Variants in SMAGP observed in about 807,000 individuals in gnomAD.
SMAGP encodes small cell adhesion glycoprotein.
Under a neutral mutation model 10.1 loss-of-function variants are expected in SMAGP, and 7 were observed. The ratio of observed to expected loss-of-function variants is 0.70; its 90% CI spans 0.40 to 1.31. The LOEUF (loss-of-function observed/expected upper bound fraction) is 1.31, where lower values mean the gene tolerates loss of function less well. SMAGP is among the 50% of genes most tolerant of loss of function. The pLI, the probability that SMAGP is intolerant of heterozygous loss-of-function variation, is 0.01. For synonymous variants in SMAGP, 49 were observed against 47.2 expected (o/e 1.04, Z -0.16); for missense variants, 113 against 116.5 (o/e 0.97, Z 0.14).
At chr12:51,248,726 A>C (rs1306597729) in intron 2 of SMAGP, among the ~76,000 whole-genome samples, 1 of 151,940 alleles carries the variant, frequency 6.6e-6, no homozygotes. Context: ...TTCCATTAAA[A>C]ACCCAAGAGG....
At position 51,248,446 on chromosome 12, in the gene SMAGP, T is replaced by A. The variant is rs1310314366; in HGVS notation, c.35-1615A>T. Reference sequence around the variant, plus strand: ...CACACACACACACACTCTCTCTCTCTCTCTCTCTCTCTCTCTCTCTCTCTC... The same window carrying A: ...CACACACACACACACTCTCTCTCTCACTCTCTCTCTCTCTCTCTCTCTCTC... On this transcript the variant is annotated intron_variant, in intron 2 of 3. Transcript: ENST00000603798. 7.5e-3 allele frequency among the ~76,000 whole-genome samples: 567 copies of A among 75,926 alleles called. 4 individuals carry two copies. The highest frequency in any genetic ancestry group is 0.02 in the East Asian group (46 of 2,320). The allele number at this position is 75,926 out of a possible 152,430, so 49.8% of individuals were successfully genotyped here. A position where few individuals can be genotyped will look rare whatever the true frequency, so the allele number is the denominator to read the frequency against.
In SMAGP at chr12:51,267,299, G is replaced by T. The variant is rs958914381; in HGVS notation, c.34+1946C>A. On this transcript the variant is annotated intron_variant, in intron 2 of 3. Coordinates refer to ENST00000603798, the MANE Select transcript of SMAGP (RefSeq NM_001031628.2). ...AATCGTCTCTGTAGCTTCACACATG[G>T]TATGAGGTATTCTACCTTTATCTAG... 4.6e-5 allele frequency among the ~76,000 whole-genome samples: 7 copies of T among 152,020 alleles called. No homozygotes were observed. In the East Asian group the frequency reaches 1.4e-3, roughly 29 times the overall value.
At chr12:51,270,108 G>T (rs1208439621) in intron 1 of SMAGP, 148 bp downstream of exon 1, 1 of 151,980 alleles carries the variant, frequency 6.6e-6, no homozygotes, top group Non-Finnish European at 1.5e-5. Flanking sequence ...GCGTCGGGGA[G>T]CGGCGTTCCC....
chr12:51,253,758 T>C (rs1944861601), intron 2 of SMAGP, among the ~76,000 whole-genome samples: 1 of 152,086 alleles, frequency 6.6e-6, no homozygotes, highest in South Asian at 2.1e-4. Context: ...ATACAAAAAT[T>C]AGCCGGACGT....
At chr12:51,256,871 G>A (rs992942076) in intron 2 of SMAGP, among the ~76,000 whole-genome samples, 1 of 151,978 alleles carries the variant, frequency 6.6e-6, no homozygotes, top group African/African-American at 2.4e-5. Flanking sequence ...AGATCACCCA[G>A]GAGTAAGTGC....
intron 2 of SMAGP, among the ~76,000 whole-genome samples, chr12:51,265,265 T>A (rs553201468): frequency 1.4e-4 from 22 of 152,272 alleles, no homozygotes; most frequent in South Asian, 2.1e-4. Flanking sequence ...GCATTGCTGG[T>A]AGGAATATAA....
At chr12:51,246,449 T>C in intron 3 of SMAGP, 1 of 421,728 alleles carries the variant, frequency 2.4e-6, no homozygotes, top group East Asian at 3.7e-5. Flanking sequence ...TATCTGATCC[T>C]CCCCCTCTTC....
At chr12:51,266,855 C>CCTGTAA (rs1444048479) in intron 2 of SMAGP, among the ~76,000 whole-genome samples, 1 of 152,170 alleles carries the variant, frequency 6.6e-6, no homozygotes, top group Non-Finnish European at 1.5e-5. Context: ...ATGGCATGAG[C>CCTGTAA]CTGTAATCCC....
chr12:51,261,573 C>T (rs995240155), intron 2 of SMAGP, among the ~76,000 whole-genome samples: 4 of 152,106 alleles, frequency 2.6e-5, no homozygotes, highest in Non-Finnish European at 1.5e-5. Flanking sequence ...GTCTCCCCAA[C>T]AGAAGGAAGA....
intron 2 of SMAGP, among the ~76,000 whole-genome samples, chr12:51,249,808 G>C (rs1037033323): frequency 6.6e-6 from 1 of 151,512 alleles, no homozygotes; most frequent in Non-Finnish European, 1.5e-5. Context: ...GTAGAGACAG[G>C]GTTTCACCAT....
At chr12:51,246,630 G>GTT in intron 3 of SMAGP, 121 bp downstream of exon 3, 4 of 609,284 alleles carry the variant, frequency 6.6e-6, no homozygotes, top group Non-Finnish European at 8.3e-6. Context: ...GTGTGTGTGT[G>GTT]TGTGTGTGTA....
rs1457141469 is a variant in SMAGP at position 51,267,218 on chromosome 12, G to A, written c.34+2027C>T. Among the ~76,000 whole-genome samples the A allele has an allele frequency of 2.0e-5, 3 of 152,094 alleles. No homozygotes were observed. The East Asian group carries it at 5.8e-4, about 29-fold the overall frequency. On this transcript the variant is annotated intron_variant, in intron 2 of 3. Coordinates refer to ENST00000603798, the MANE Select transcript of SMAGP (RefSeq NM_001031628.2). ...AGGTATCACCTTTTTTCCCTTGTGG[G>A]CAGGATTATTCTGGAGGTCCTCTGC...
intron 3 of SMAGP, 146 bp from the exon 4 acceptor site, chr12:51,246,265 C>T (rs1944768986): frequency 8.9e-7 from 1 of 1,127,022 alleles, no homozygotes; most frequent in Admixed American, 2.8e-5. Flanking sequence ...ACCCATGTTC[C>T]CCCACCAACC....
chr12:51,266,268 C>A (rs1359855385), intron 2 of SMAGP, among the ~76,000 whole-genome samples: 1 of 152,146 alleles, frequency 6.6e-6, no homozygotes, highest in Non-Finnish European at 1.5e-5. Context: ...AAATCTCACA[C>A]CCTGCTCCAT....
In SMAGP at chr12:51,262,283, C is replaced by T. The variant is rs1392727303; in HGVS notation, c.34+6962G>A. On this transcript the variant is annotated intron_variant, in intron 2 of 3. Transcript: ENST00000603798. ...TCACTTGAGTCCAGGAGTTCAAGAC[C>T]AACCTGGGCAACATGGCAAAACCCT... 3.9e-5 allele frequency among the ~76,000 whole-genome samples: 6 copies of T among 152,010 alleles called. No individual in the cohort carries two copies. The South Asian group carries it at 8.3e-4, about 21-fold the overall frequency.
chr12:51,257,190 G>A (rs1944893270), intron 2 of SMAGP, among the ~76,000 whole-genome samples: 1 of 152,202 alleles, frequency 6.6e-6, no homozygotes, highest in Admixed American at 6.6e-5. Flanking sequence ...GCATACAGAT[G>A]AGAATGACCC....
intron 2 of SMAGP, among the ~76,000 whole-genome samples, chr12:51,247,979 G>A (rs867324738): frequency 2.0e-5 from 3 of 152,206 alleles, no homozygotes; most frequent in Middle Eastern, 6.3e-3. Flanking sequence ...TGAAGCAGGG[G>A]TAAGAGTTTA....
In SMAGP at chr12:51,255,873, G is replaced by A. The variant is rs542444592; in HGVS notation, c.35-9042C>T. ...TGCAGCCTCCGCCTCCCGGGTTCACGCAATTTTCCTGCCTCAGACTCCCAA... is the reference window on the plus strand; with the variant it reads ...TGCAGCCTCCGCCTCCCGGGTTCACACAATTTTCCTGCCTCAGACTCCCAA... On this transcript the variant is annotated intron_variant, in intron 2 of 3. Transcript: ENST00000603798. Among the ~76,000 whole-genome samples the A allele has an allele frequency of 3.9e-5, 6 of 152,206 alleles. No homozygotes were observed. In the East Asian group the frequency reaches 5.8e-4, roughly 15 times the overall value.
intron 2 of SMAGP, among the ~76,000 whole-genome samples, chr12:51,263,871 A>G (rs1389570685): frequency 6.6e-6 from 1 of 152,168 alleles, no homozygotes; most frequent in Non-Finnish European, 1.5e-5. Context: ...TAGAAGAAGG[A>G]AAAGAAACAA....
Sources: allele counts gnomAD v4.1 joint callset (sites outside exome capture counted in the v4.1 genomes callset), GRCh38; gene constraint gnomAD v4.1.1; transcripts MANE v1.5; gene names NCBI Gene and HGNC (gene_info 2026-07-23, HGNC 2026-07-21).